KATNBL1: variants seen among roughly 807,000 people sequenced by gnomAD.
The protein encoded by KATNBL1 is katanin regulatory subunit B1 like 1, also known as KATNB1-like protein 1.
A neutral mutation model predicts 44.7 loss-of-function variants in KATNBL1; 28 were observed. The ratio of observed to expected loss-of-function variants is 0.63; its 90% CI spans 0.46 to 0.86. KATNBL1 has a LOEUF of 0.86. KATNBL1 is among the 40% of genes least tolerant of loss of function. The probability of loss-of-function intolerance (pLI) is 0.00; values close to 1 mark genes in which losing one functional copy is unlikely to be tolerated. For synonymous variants in KATNBL1, 78 were observed against 114.9 expected (o/e 0.68, Z 2.06); for missense variants, 272 against 350.7 (o/e 0.78, Z 1.79).
chr15:34,187,730 C>CCTGGAAAGT, intron 1 of KATNBL1, among the ~76,000 whole-genome samples: 1 of 152,296 alleles, frequency 6.6e-6, no homozygotes, highest in African/African-American at 2.4e-5. Context: ...TATCATAAGG[C>CCTGGAAAGT]CATTTCAGTC....
At chr15:34,149,473 G>A (rs938609614) in intron 4 of KATNBL1, among the ~76,000 whole-genome samples, 1 of 151,650 alleles carries the variant, frequency 6.6e-6, no homozygotes, top group Admixed American at 6.6e-5. Context: ...GCCTAGGCTG[G>A]AGTGCAGTGG....
chr15:34,174,882 T>C (rs1889278076), intron 1 of KATNBL1, among the ~76,000 whole-genome samples: 1 of 151,918 alleles, frequency 6.6e-6, no homozygotes, highest in Non-Finnish European at 1.5e-5. Flanking sequence ...CCCCAAGTGA[T>C]CCACCCACCT....
intron 1 of KATNBL1, among the ~76,000 whole-genome samples, chr15:34,186,826 G>A (rs553137961): frequency 4.2e-4 from 64 of 152,348 alleles, no homozygotes; most frequent in South Asian, 3.9e-3. Flanking sequence ...TGGATGGAAG[G>A]GGGCAGGGTC....
intron 5 of KATNBL1, chr15:34,148,417 T>C (rs971368462): frequency 4.7e-5 from 17 of 361,712 alleles, no homozygotes; most frequent in Non-Finnish European, 7.8e-5. Context: ...ACCTCATGTC[T>C]TCCAAAAAAT....
At chr15:34,198,691 A>C (rs1890089555) in intron 1 of KATNBL1, among the ~76,000 whole-genome samples, 1 of 152,258 alleles carries the variant, frequency 6.6e-6, no homozygotes, top group Non-Finnish European at 1.5e-5. Flanking sequence ...CCCATAGTTT[A>C]ATGTTAAACC....
intron 1 of KATNBL1, among the ~76,000 whole-genome samples, chr15:34,197,779 G>A (rs994446601): frequency 3.9e-5 from 6 of 151,974 alleles, no homozygotes; most frequent in South Asian, 2.1e-4. Context: ...ACGGAGTCTC[G>A]CTCTGTTGCC....
intron 1 of KATNBL1, among the ~76,000 whole-genome samples, chr15:34,181,801 T>G (rs1380771882): frequency 1.3e-5 from 1 of 79,394 alleles, no homozygotes; most frequent in Non-Finnish European, 2.4e-5. Context: ...TATATCCATA[T>G]ATATACATAT....
chr15:34,143,748 G>GAC (rs1888220725), intron 9 of KATNBL1, among the ~76,000 whole-genome samples: 1 of 129,706 alleles, frequency 7.7e-6, no homozygotes, highest in African/African-American at 3.0e-5. Context: ...AAGAGATCAA[G>GAC]ACCATCCTGG....
chr15:34,194,714 C>T lies in KATNBL1; in HGVS notation c.-15+15237G>A, dbSNP rs145980720. On this transcript the variant is annotated intron_variant, in intron 1 of 9. Transcript: ENST00000256544. ...ACAAACTATATATCTGACAGTGGAC[C>T]GATATCCAGAATTTATAAGGATCTC... 6.1e-3 allele frequency among the ~76,000 whole-genome samples: 935 copies of T among 152,174 alleles called. 7 individuals carry two copies. The highest frequency in any genetic ancestry group is 0.021 in the African/African-American group (881 of 41,506).
At chr15:34,182,206 C>A (rs1195045250) in intron 1 of KATNBL1, among the ~76,000 whole-genome samples, 1 of 151,986 alleles carries the variant, frequency 6.6e-6, no homozygotes, top group Non-Finnish European at 1.5e-5. Context: ...AATGTATAAA[C>A]AGATGATACA....
At chr15:34,160,874 C>T (rs577122802) in intron 2 of KATNBL1, among the ~76,000 whole-genome samples, 1 of 152,280 alleles carries the variant, frequency 6.6e-6, no homozygotes, top group South Asian at 2.1e-4. Flanking sequence ...TTGTGTGAGG[C>T]TCAATCCCCC....
At chr15:34,183,388 G>C (rs187698648) in intron 1 of KATNBL1, among the ~76,000 whole-genome samples, 34 of 152,260 alleles carry the variant, frequency 2.2e-4, no homozygotes, top group African/African-American at 6.0e-4. Context: ...ATGCAGGTAG[G>C]TATCACAACT....
Position 34,141,055 on chromosome 15 carries a change from C to G in KATNBL1, c.*1284G>C, listed in dbSNP as rs1888138478. The G allele has an allele frequency of 1.3e-5, 2 of 152,236 alleles. No homozygotes were observed. The highest frequency in any genetic ancestry group is 4.1e-4 in the South Asian group (2 of 4,824). 9.4% of individuals were successfully genotyped at this position (152,236 alleles called of 1,614,324 possible). A position where few individuals can be genotyped will look rare whatever the true frequency, so the allele number is the denominator to read the frequency against. ...AATTCAATTACTAAAAACCTTTGCT[C>G]AGATGCCTGTCAGGCATATTAAGGA... On this transcript the variant is annotated 3_prime_UTR_variant, in exon 10 of 10. Coordinates refer to ENST00000256544, the MANE Select transcript of KATNBL1 (RefSeq NM_024713.3).
chr15:34,159,919 A>C (rs1382982689), intron 2 of KATNBL1, among the ~76,000 whole-genome samples: 2 of 152,184 alleles, frequency 1.3e-5, no homozygotes, highest in African/African-American at 4.8e-5. Flanking sequence ...AACAAGTTAC[A>C]CTAGATGGAA....
intron 2 of KATNBL1, among the ~76,000 whole-genome samples, chr15:34,155,894 G>C (rs1465670518): frequency 6.6e-6 from 1 of 152,152 alleles, no homozygotes; most frequent in African/African-American, 2.4e-5. Context: ...AATTTATTTG[G>C]TACTCCTCGT....
chr15:34,165,880 T>C (rs1240157521), intron 1 of KATNBL1: 3 of 152,112 alleles, frequency 2.0e-5, no homozygotes, highest in South Asian at 2.1e-4. Flanking sequence ...AAATTGGCAA[T>C]GAGGAAAGCA....
chr15:34,151,436 CTTTTTTTTTTTTT>C (rs58824450), intron 4 of KATNBL1, among the ~76,000 whole-genome samples: 68 of 60,714 alleles, frequency 1.1e-3, no homozygotes, highest in African/African-American at 3.8e-3. Context: ...CCTTTGCCTA[CTTTTTTTTTTTTT>C]TTTTTTTTTT....
chr15:34,205,007 T>C (rs1044657225), intron 1 of KATNBL1, among the ~76,000 whole-genome samples: 19 of 151,038 alleles, frequency 1.3e-4, no homozygotes, highest in African/African-American at 3.7e-4. Context: ...TTTTTTTTTT[T>C]CCTTTAAGAT....
At chr15:34,161,715 T>C (rs184749138) in intron 2 of KATNBL1, among the ~76,000 whole-genome samples, 6 of 151,960 alleles carry the variant, frequency 3.9e-5, no homozygotes, top group African/African-American at 1.5e-4. Flanking sequence ...GCTGGAGTGG[T>C]GGGAGAGCAG....
Sources: gnomAD v4.1 joint callset for allele counts (sites outside exome capture counted in the v4.1 genomes callset) on GRCh38, gnomAD v4.1.1 for gene constraint, MANE v1.5 for transcripts, NCBI Gene and HGNC (gene_info 2026-07-23, HGNC 2026-07-21) for gene names.